The following GPC6 variants were observed in gnomAD, a reference collection of about 807,000 sequenced individuals.
GPC6 encodes the protein glypican-6.
A neutral mutation model predicts 55.2 loss-of-function variants in GPC6; 14 were observed. The observed-to-expected ratio is 0.25, with a 90% CI of 0.17 to 0.40. The LOEUF is 0.40. GPC6 is among the 10% of genes least tolerant of loss of function. The pLI is 1.00. For synonymous variants in GPC6, 278 were observed against 259.6 expected (o/e 1.07, Z -0.68); for missense variants, 641 against 708.5 (o/e 0.90, Z 1.08).
At chr13:93,476,181 A>G (rs1226653756) in intron 1 of GPC6, among the ~76,000 whole-genome samples, 1 of 152,204 alleles carries the variant, frequency 6.6e-6, no homozygotes, top group Non-Finnish European at 1.5e-5. Context: ...TTGATGTAAC[A>G]GGAAAATAAG....
chr13:93,896,122 A>G (rs764713010), intron 3 of GPC6, among the ~76,000 whole-genome samples: 9 of 152,086 alleles, frequency 5.9e-5, no homozygotes, highest in Non-Finnish European at 1.3e-4. Context: ...ATCATTACAC[A>G]TTGTATGCTT....
At chr13:94,132,089 G>C (rs1485170881) in intron 4 of GPC6, among the ~76,000 whole-genome samples, 1 of 152,082 alleles carries the variant, frequency 6.6e-6, no homozygotes, top group East Asian at 1.9e-4. Context: ...AACACTGGTG[G>C]AGAAAGGTGA....
chr13:94,316,434 T>C (rs1228792165), intron 6 of GPC6, among the ~76,000 whole-genome samples: 5 of 152,092 alleles, frequency 3.3e-5, no homozygotes, highest in African/African-American at 4.8e-5. Context: ...AGAAACAGAA[T>C]GGGCCGGGCG....
intron 1 of GPC6, among the ~76,000 whole-genome samples, chr13:93,526,093 G>A (rs1285931987): frequency 1.3e-5 from 2 of 152,032 alleles, no homozygotes; most frequent in East Asian, 3.9e-4. Flanking sequence ...TCAGCATCCA[G>A]CACAACTTTT....
chr13:93,782,457 G>C (rs185873367), intron 2 of GPC6, among the ~76,000 whole-genome samples: 4 of 152,186 alleles, frequency 2.6e-5, no homozygotes, highest in Admixed American at 2.6e-4. Flanking sequence ...CCAATAGTGG[G>C]ATTGCTGCAT....
chr13:94,170,653 T>C (rs1038658240), intron 4 of GPC6, among the ~76,000 whole-genome samples: 3 of 152,226 alleles, frequency 2.0e-5, no homozygotes, highest in African/African-American at 7.2e-5. Flanking sequence ...GACTGGATTT[T>C]CACGTTTTCA....
chr13:93,947,199 C>G (rs974931679), intron 3 of GPC6, among the ~76,000 whole-genome samples: 2 of 152,154 alleles, frequency 1.3e-5, no homozygotes, highest in Non-Finnish European at 2.9e-5. Context: ...TGCAGGGTTG[C>G]CTGCTGGATG....
At chr13:93,414,255 A>G (rs188566333) in intron 1 of GPC6, among the ~76,000 whole-genome samples, 31 of 152,130 alleles carry the variant, frequency 2.0e-4, no homozygotes, top group African/African-American at 6.5e-4. Flanking sequence ...CAATTTCCCT[A>G]ACCCATTCAC....
At chr13:94,273,676 G>A (rs988388868) in intron 4 of GPC6, among the ~76,000 whole-genome samples, 7 of 152,296 alleles carry the variant, frequency 4.6e-5, no homozygotes, top group South Asian at 2.1e-4. Flanking sequence ...GAGCAGATAC[G>A]AGGGCTACTG....
intron 4 of GPC6, among the ~76,000 whole-genome samples, chr13:94,149,036 A>G (rs1887650642): frequency 6.6e-6 from 1 of 152,120 alleles, no homozygotes; most frequent in Non-Finnish European, 1.5e-5. Context: ...AGATCTTAGG[A>G]CTTGGACTCG....
At chr13:93,278,632 C>A (rs1245314863) in intron 1 of GPC6, among the ~76,000 whole-genome samples, 5 of 152,040 alleles carry the variant, frequency 3.3e-5, no homozygotes, top group African/African-American at 1.2e-4. Flanking sequence ...CCAGTTAATT[C>A]TTTTTTAATT....
intron 2 of GPC6, among the ~76,000 whole-genome samples, chr13:93,612,356 G>A (rs187893042): frequency 6.0e-4 from 91 of 152,126 alleles, no homozygotes; most frequent in African/African-American, 1.9e-3. Context: ...AAAATTAGCC[G>A]AGCATGGTGG....
At chr13:93,645,277 T>C (rs909307679) in intron 2 of GPC6, among the ~76,000 whole-genome samples, 4 of 151,774 alleles carry the variant, frequency 2.6e-5, no homozygotes, top group Non-Finnish European at 5.9e-5. Flanking sequence ...GGGTACTTTA[T>C]GGAGGACCAA....
At position 94,042,250 on chromosome 13, in the gene GPC6, C is replaced by T. The variant is rs369448900; in HGVS notation, c.877+14356C>T. On this transcript the variant is annotated intron_variant, in intron 4 of 8. Transcript: ENST00000377047. ...ATGATTGTAAGTTTCCTGAGGCCTCCCCAGAAGCAGAAGCCACCATACTTC... is the reference window on the plus strand; with the variant it reads ...ATGATTGTAAGTTTCCTGAGGCCTCTCCAGAAGCAGAAGCCACCATACTTC... 4.7e-4 allele frequency among the ~76,000 whole-genome samples: 71 copies of T among 151,796 alleles called. 1 individual carries two copies. The South Asian group carries it at 0.015, about 31-fold the overall frequency.
At chr13:94,228,855 T>C (rs1475883935) in intron 4 of GPC6, among the ~76,000 whole-genome samples, 1 of 151,752 alleles carries the variant, frequency 6.6e-6, no homozygotes, top group Non-Finnish European at 1.5e-5. Flanking sequence ...CAAAGTGCTG[T>C]TAACAAGTGT....
chr13:93,525,880 C>T (rs1007097679), intron 1 of GPC6, among the ~76,000 whole-genome samples: 1 of 152,118 alleles, frequency 6.6e-6, no homozygotes, highest in Admixed American at 6.6e-5. Context: ...TGGTTTCAGC[C>T]CAGTGGCTCA....
chr13:93,656,423 C>T (rs770607836), intron 2 of GPC6, among the ~76,000 whole-genome samples: 13 of 152,084 alleles, frequency 8.5e-5, no homozygotes, highest in African/African-American at 1.2e-4. Context: ...ATAATGCTAT[C>T]TCTCCTATAC....
intron 2 of GPC6, among the ~76,000 whole-genome samples, chr13:93,552,173 A>T (rs1211472087): frequency 1.3e-5 from 2 of 152,200 alleles, no homozygotes; most frequent in African/African-American, 4.8e-5. Context: ...GAATGCGCTG[A>T]ACTGAGTTTT....
chr13:93,579,779 A>G (rs2139486620), intron 2 of GPC6, among the ~76,000 whole-genome samples: 1 of 152,234 alleles, frequency 6.6e-6, no homozygotes, highest in Middle Eastern at 3.4e-3. Flanking sequence ...CATGATTAGC[A>G]TGGTGACTCA....
Sources: gnomAD v4.1 joint callset for allele counts (sites outside exome capture counted in the v4.1 genomes callset) on GRCh38, gnomAD v4.1.1 for gene constraint, MANE v1.5 for transcripts, NCBI Gene and HGNC (gene_info 2026-07-23, HGNC 2026-07-21) for gene names.